The following STRIP2 variants were observed in gnomAD, a reference collection of about 807,000 sequenced individuals.
STRIP2 encodes the protein striatin interacting protein 2.
Under a neutral mutation model 107.1 loss-of-function variants are expected in STRIP2, and 84 were observed. The observed-to-expected ratio is 0.78, with a 90% CI of 0.66 to 0.94. The LOEUF is 0.94. STRIP2 is among the 40% of genes least tolerant of loss of function. The pLI, the probability that STRIP2 is intolerant of heterozygous loss-of-function variation, is 0.00. For synonymous variants in STRIP2, 394 were observed against 400.4 expected (o/e 0.98, Z 0.19); for missense variants, 888 against 1,034.2 (o/e 0.86, Z 1.94).
At position 129,487,415 on chromosome 7, in the gene STRIP2, G is replaced by A. The variant is rs1460930556; in HGVS notation, c.*1586G>A. 1 of 152,106 alleles carries A rather than the reference G, an allele frequency of 6.6e-6. No homozygotes were observed. The highest frequency in any genetic ancestry group is 2.4e-5 in the African/African-American group (1 of 41,422). 9.4% of individuals were successfully genotyped at this position (152,106 alleles called of 1,614,324 possible). ...AGGTCACTTTATGCTGGGTGATATAGTCAAAATTTGCTTATTTACTCTGCC... is the reference window on the plus strand; with the variant it reads ...AGGTCACTTTATGCTGGGTGATATAATCAAAATTTGCTTATTTACTCTGCC... On this transcript the variant is annotated 3_prime_UTR_variant, in exon 21 of 21. Coordinates refer to ENST00000249344, the MANE Select transcript of STRIP2 (RefSeq NM_020704.3).
intron 14 of STRIP2, 77 bp from the exon 15 acceptor site, chr7:129,463,967 C>CG: frequency 9.2e-7 from 1 of 1,089,412 alleles, no homozygotes; most frequent in Non-Finnish European, 1.4e-6. Flanking sequence ...TTTTATAGGG[C>CG]GGTTAGGGTG....
At chr7:129,447,699 G>A (rs1461672470) in intron 3 of STRIP2, among the ~76,000 whole-genome samples, 1 of 152,248 alleles carries the variant, frequency 6.6e-6, no homozygotes, top group Non-Finnish European at 1.5e-5. Context: ...CTTATGGACA[G>A]GAATGGAGAA....
rs149074684 is a variant in STRIP2 at position 129,464,649 on chromosome 7, G to C, written c.1687G>C (p.Val563Leu). The change falls in exon 16 of 21, where the codon GTG (valine) becomes CTG (leucine). Residue 563 changes from valine (V) to leucine (L), a missense_variant. By Grantham distance (32) the Val-to-Leu change is conservative. Coordinates refer to ENST00000249344, the MANE Select transcript of STRIP2 (RefSeq NM_020704.3). ...CCAGAGCATGAAGCTGGGCATCGAT[G>C]TGAACAGGCACAAGGAGATTATTGT... ...VLQSMKLGIDVNRHKEIIVKS... is the reference protein window; with the variant it reads ...VLQSMKLGIDLNRHKEIIVKS... 4 of 1,613,984 alleles carry C rather than the reference G, an allele frequency of 2.5e-6. No homozygotes were observed. The African/African-American group carries it at 5.3e-5, about 22-fold the overall frequency.
At position 129,486,512 on chromosome 7, in the gene STRIP2, G is replaced by C. The variant is rs1313712234; in HGVS notation, c.*683G>C. On this transcript the variant is annotated 3_prime_UTR_variant, in exon 21 of 21. Transcript: ENST00000249344. ...CTCTGTATAGGGCATGGAATGCTCTGCCATTTTTAAAGAGCCACAACCAAT... is the reference window on the plus strand; with the variant it reads ...CTCTGTATAGGGCATGGAATGCTCTCCCATTTTTAAAGAGCCACAACCAAT... 1 of 152,136 alleles carries C rather than the reference G, an allele frequency of 6.6e-6. No individual in the cohort carries two copies. The highest frequency in any genetic ancestry group is 1.5e-5 in the Non-Finnish European group (1 of 68,042). 9.4% of individuals were successfully genotyped at this position (152,136 alleles called of 1,614,324 possible). A position where few individuals can be genotyped will look rare whatever the true frequency, so the allele number is the denominator to read the frequency against.
chr7:129,438,891 G>T lies in STRIP2; in HGVS notation c.130-1131G>T, dbSNP rs114558163. On this transcript the variant is annotated intron_variant, in intron 1 of 20. Coordinates refer to ENST00000249344, the MANE Select transcript of STRIP2 (RefSeq NM_020704.3). The stretch of plus-strand genomic sequence containing the variant: ...GCTAAATGGAAGAGATGCGAAGGAC[G>T]AAGTATGGGTTTGGGGTGATGCAGA... Among the ~76,000 whole-genome samples, 3 of 152,162 alleles carry T rather than the reference G, an allele frequency of 2.0e-5. No homozygotes were observed. In the South Asian group the frequency reaches 6.2e-4, roughly 32 times the overall value.
intron 3 of STRIP2, among the ~76,000 whole-genome samples, chr7:129,448,629 G>C (rs533063642): frequency 6.6e-6 from 1 of 152,156 alleles, no homozygotes; most frequent in Non-Finnish European, 1.5e-5. Context: ...TAGAAACACT[G>C]TGATTAATTA....
At position 129,434,464 on chromosome 7, in the gene STRIP2, AC is replaced by A; in HGVS notation, c.-7del. The A allele has an allele frequency of 6.6e-7, 1 of 1,506,760 alleles. No individual in the cohort carries two copies. Among genetic ancestry groups the A allele is most frequent in the Non-Finnish European group, 8.8e-7 (1 of 1,134,284 alleles). 93.3% of individuals were successfully genotyped at this position (1,506,760 alleles called of 1,614,324 possible). A position where few individuals can be genotyped will look rare whatever the true frequency, so the allele number is the denominator to read the frequency against. The stretch of plus-strand genomic sequence containing the variant: ...AGCTGAACCCTGAGGGGAGCCGCTG[AC>A]CAGCAGCATGGAGGACCCCGCCGCG... On this transcript the variant is annotated 5_prime_UTR_variant, in exon 1 of 21. Coordinates refer to ENST00000249344, the MANE Select transcript of STRIP2 (RefSeq NM_020704.3).
chr7:129,455,047 T>A (rs1798305149), intron 7 of STRIP2, among the ~76,000 whole-genome samples, 197 bp from the exon 8 acceptor site: 1 of 152,256 alleles, frequency 6.6e-6, no homozygotes, highest in Non-Finnish European at 1.5e-5. Context: ...GCCTATGCCA[T>A]TTTAATTCCA....
At position 129,461,561 on chromosome 7, in the gene STRIP2, A is replaced by G. The variant is rs1195579830; in HGVS notation, c.1476+1189A>G. 2.1e-5 allele frequency among the ~76,000 whole-genome samples: 3 copies of G among 144,456 alleles called. No homozygotes were observed. Among genetic ancestry groups the G allele is most frequent in the Admixed American group, 6.9e-5 (1 of 14,506 alleles). 94.8% of individuals were successfully genotyped at this position (144,456 alleles called of 152,430 possible). On this transcript the variant is annotated intron_variant, in intron 13 of 20. Transcript: ENST00000249344. The surrounding 1 kb of genome is among the most constrained non-coding windows in gnomAD (Gnocchi z 4.0). ...ATGATATCATCATAAAAGCTAAGAA[A>G]GTCTTTCAAGAAAAAAGGAGTGATC...
intron 16 of STRIP2, among the ~76,000 whole-genome samples, chr7:129,466,299 C>T (rs1207298520): frequency 6.6e-6 from 1 of 151,966 alleles, no homozygotes; most frequent in Admixed American, 6.6e-5. Flanking sequence ...TTGTCTGGGG[C>T]TTTGGAAAAT....
rs956488456 is a variant in STRIP2 at position 129,487,234 on chromosome 7, C to G, written c.*1405C>G. 3 of 152,122 alleles carry G rather than the reference C, an allele frequency of 2.0e-5. No homozygotes were observed. Among genetic ancestry groups the G allele is most frequent in the Non-Finnish European group, 2.9e-5 (2 of 68,082 alleles). The allele number at this position is 152,122 out of a possible 1,614,324, so 9.4% of individuals were successfully genotyped here. A position where few individuals can be genotyped will look rare whatever the true frequency, so the allele number is the denominator to read the frequency against. On this transcript the variant is annotated 3_prime_UTR_variant, in exon 21 of 21. Transcript: ENST00000249344. ...TTCACCATGTTAGCCAGGCTGACCT[C>G]AAACTCCTGACCTCAGGTGATCCGC...
Position 129,476,549 on chromosome 7 carries a change from C to T in STRIP2, c.1945-4236C>T, listed in dbSNP as rs1464726634. Among the ~76,000 whole-genome samples the T allele has an allele frequency of 1.3e-4, 20 of 150,970 alleles. 1 individual carries two copies. Among genetic ancestry groups the T allele is most frequent in the African/African-American group, 1.9e-4 (8 of 41,060 alleles). ...CTCAGCTCCCAGACAGGGTCGCGGC[C>T]GGGCAGAGGCACTCCTCACATCCCA... On this transcript the variant is annotated intron_variant, in intron 18 of 20. Coordinates refer to ENST00000249344, the MANE Select transcript of STRIP2 (RefSeq NM_020704.3).
At chr7:129,460,888 G>A (rs993769020) in intron 13 of STRIP2, among the ~76,000 whole-genome samples, 1 of 152,258 alleles carries the variant, frequency 6.6e-6, no homozygotes, top group African/African-American at 2.4e-5. Flanking sequence ...CCACTTTGCC[G>A]AGGACCTGTA....
At chr7:129,453,466 C>A in intron 5 of STRIP2, 119 bp downstream of exon 5, 1 of 1,263,116 alleles carries the variant, frequency 7.9e-7, no homozygotes, top group Non-Finnish European at 1.1e-6. Flanking sequence ...TCTACTCACA[C>A]CTCAGCCCAA....
rs777203356 is a variant in STRIP2 at position 129,486,494 on chromosome 7, T to C, written c.*665T>C. ...AAATTATTTCCTTGTGTACTCTGTA[T>C]AGGGCATGGAATGCTCTGCCATTTT... On this transcript the variant is annotated 3_prime_UTR_variant, in exon 21 of 21. Transcript: ENST00000249344. 5 of 152,558 alleles carry C rather than the reference T, an allele frequency of 3.3e-5. No individual in the cohort carries two copies. The highest frequency in any genetic ancestry group is 4.8e-5 in the African/African-American group (2 of 41,462). 9.5% of individuals were successfully genotyped at this position (152,558 alleles called of 1,614,324 possible).
intron 1 of STRIP2, among the ~76,000 whole-genome samples, chr7:129,435,112 T>TC (rs887166406): frequency 1.3e-5 from 2 of 152,062 alleles, no homozygotes; most frequent in Admixed American, 1.3e-4. Context: ...CCCGTCCCCT[T>TC]CCCCCCGTAA....
chr7:129,445,222 T>G (rs1790135869), intron 3 of STRIP2, among the ~76,000 whole-genome samples: 2 of 152,212 alleles, frequency 1.3e-5, no homozygotes, highest in Non-Finnish European at 2.9e-5. Context: ...ATTCCATGCA[T>G]ACTCTTCCTT....
chr7:129,477,096 G>A (rs201731166), intron 18 of STRIP2, among the ~76,000 whole-genome samples: 1 of 151,358 alleles, frequency 6.6e-6, no homozygotes, highest in African/African-American at 2.4e-5. Context: ...AATCAGGCAG[G>A]GAGGTTGCAG....
At chr7:129,441,370 C>T (rs1454303184) in intron 2 of STRIP2, among the ~76,000 whole-genome samples, 1 of 152,012 alleles carries the variant, frequency 6.6e-6, no homozygotes, top group East Asian at 1.9e-4. Context: ...TCCTAGATAT[C>T]CACTCTAAAG....
Sources: allele counts gnomAD v4.1 joint callset (sites outside exome capture counted in the v4.1 genomes callset), GRCh38; gene constraint gnomAD v4.1.1; non-coding constraint Gnocchi (gnomAD v3.1); transcripts MANE v1.5; gene names NCBI Gene and HGNC (gene_info 2026-07-23, HGNC 2026-07-21).